The following PTPRN2 variants were observed in gnomAD, a reference collection of about 807,000 sequenced individuals.
PTPRN2 encodes protein tyrosine phosphatase receptor type N2.
A neutral mutation model predicts 118.8 loss-of-function variants in PTPRN2; 74 were observed. The observed-to-expected ratio is 0.62, with a 90% confidence interval of 0.52 to 0.76. The LOEUF is 0.76. PTPRN2 is among the 30% of genes least tolerant of loss of function. The probability of loss-of-function intolerance (pLI) is 0.00; values close to 1 mark genes in which losing one functional copy is unlikely to be tolerated. For synonymous variants in PTPRN2, 641 were observed against 608.0 expected (o/e 1.05, Z -0.80); for missense variants, 1,481 against 1,394.4 (o/e 1.06, Z -0.99).
chr7:158,371,559 T>C (rs1248897912), intron 2 of PTPRN2, among the ~76,000 whole-genome samples: 1 of 152,138 alleles, frequency 6.6e-6, no homozygotes, highest in Non-Finnish European at 1.5e-5. Flanking sequence ...AACATCCACA[T>C]TGATGACCTT....
chr7:158,095,204 C>T lies in PTPRN2; in HGVS notation c.1644-13827G>A, dbSNP rs117793160. Among the ~76,000 whole-genome samples, 21 of 151,332 alleles carry T rather than the reference C, an allele frequency of 1.4e-4. No homozygotes were observed. The East Asian group carries it at 3.9e-3, about 28-fold the overall frequency. Reference sequence around the variant, plus strand: ...ACGTCTCTGACTGGAGAGACACATTCGGAAGAGTGAAGTGATTTTTATTTG... The same window carrying T: ...ACGTCTCTGACTGGAGAGACACATTTGGAAGAGTGAAGTGATTTTTATTTG... On this transcript the variant is annotated intron_variant, in intron 10 of 22. Transcript: ENST00000389418.
chr7:158,075,498 G>A (rs540652481), intron 11 of PTPRN2, among the ~76,000 whole-genome samples: 7 of 152,100 alleles, frequency 4.6e-5, no homozygotes, highest in Admixed American at 6.5e-5. Context: ...CCCCCTCCCC[G>A]CCCCCAACGC....
At chr7:158,080,399 T>C (rs1161187883) in intron 11 of PTPRN2, among the ~76,000 whole-genome samples, 1 of 149,874 alleles carries the variant, frequency 6.7e-6, no homozygotes, top group Non-Finnish European at 1.5e-5. Flanking sequence ...CATTTCCCGC[T>C]GTGGCTGGGT....
intron 12 of PTPRN2, among the ~76,000 whole-genome samples, chr7:157,832,888 C>A (rs1293555401): frequency 6.6e-6 from 1 of 152,236 alleles, no homozygotes; most frequent in African/African-American, 2.4e-5. Context: ...CCAATTTACT[C>A]AATGGAGAAA....
At chr7:158,102,543 C>A (rs978413110) in intron 10 of PTPRN2, among the ~76,000 whole-genome samples, 3 of 152,210 alleles carry the variant, frequency 2.0e-5, no homozygotes. Flanking sequence ...CACACCTCCA[C>A]ACGTTCATCA....
chr7:157,778,308 C>G (rs763130047), intron 12 of PTPRN2, among the ~76,000 whole-genome samples: 42 of 152,290 alleles, frequency 2.8e-4, no homozygotes, highest in Non-Finnish European at 3.8e-4. Flanking sequence ...TAAACATGTA[C>G]ATGTGAATAC....
intron 12 of PTPRN2, among the ~76,000 whole-genome samples, chr7:157,793,124 C>A (rs943024741): frequency 1.3e-5 from 2 of 151,872 alleles, no homozygotes; most frequent in African/African-American, 2.4e-5. Flanking sequence ...TCTGCAGCTG[C>A]GGTTGTGGTC....
At chr7:158,248,722 C>T (rs1432188128) in intron 3 of PTPRN2, among the ~76,000 whole-genome samples, 1 of 149,708 alleles carries the variant, frequency 6.7e-6, no homozygotes, top group African/African-American at 2.5e-5. Flanking sequence ...CATGCACCCA[C>T]ATCACATGCA....
intron 12 of PTPRN2, among the ~76,000 whole-genome samples, chr7:157,778,253 G>A (rs539008410): frequency 3.3e-5 from 5 of 152,336 alleles, no homozygotes; most frequent in South Asian, 2.1e-4. Flanking sequence ...GAATGCAGGC[G>A]TCGAATGCCC....
chr7:158,475,411 G>A (rs1820180139), intron 2 of PTPRN2, among the ~76,000 whole-genome samples: 1 of 152,148 alleles, frequency 6.6e-6, no homozygotes, highest in African/African-American at 2.4e-5. Flanking sequence ...CTCTCCCAGC[G>A]AGACCATGAA....
intron 6 of PTPRN2, among the ~76,000 whole-genome samples, chr7:158,157,688 G>A (rs1482941382): frequency 6.6e-6 from 1 of 152,178 alleles, no homozygotes; most frequent in East Asian, 1.9e-4. Context: ...TGAGCAGGTG[G>A]GTGTGTCCTC....
chr7:157,563,838 G>A lies in PTPRN2; in HGVS notation c.2902+5064C>T, dbSNP rs545600173. On this transcript the variant is annotated intron_variant, in intron 21 of 22. Coordinates refer to ENST00000389418, the MANE Select transcript of PTPRN2 (RefSeq NM_002847.5). ...TGCTCCCACGTCACCACATGCCACA[G>A]ATCAAGACCACGTGCTCCTGCATCA... is the stretch of plus-strand genomic sequence containing the variant. Among the ~76,000 whole-genome samples the A allele has an allele frequency of 4.8e-4, 73 of 150,966 alleles. 1 individual carries two copies. Among genetic ancestry groups the A allele is most frequent in the African/African-American group, 1.7e-3 (71 of 40,956 alleles).
At chr7:158,265,086 T>TAC (rs1797782969) in intron 3 of PTPRN2, among the ~76,000 whole-genome samples, 1 of 152,022 alleles carries the variant, frequency 6.6e-6, no homozygotes, top group African/African-American at 2.4e-5. Flanking sequence ...CCAGGTAGGC[T>TAC]ACCTCCCAGC....
chr7:158,127,790 T>G (rs1817821127), intron 9 of PTPRN2, among the ~76,000 whole-genome samples: 1 of 152,150 alleles, frequency 6.6e-6, no homozygotes, highest in African/African-American at 2.4e-5. Context: ...AGGGGCTCCC[T>G]CCTCCCTATA....
At chr7:158,577,851 C>T (rs1322003498) in intron 1 of PTPRN2, among the ~76,000 whole-genome samples, 1 of 152,234 alleles carries the variant, frequency 6.6e-6, no homozygotes, top group African/African-American at 2.4e-5. Flanking sequence ...GGAAAGGGCC[C>T]TGTGCAAACT....
intron 2 of PTPRN2, among the ~76,000 whole-genome samples, chr7:158,441,201 ATGGTGG>A (rs796656879): frequency 1.5e-5 from 2 of 131,088 alleles, no homozygotes; most frequent in Non-Finnish European, 3.3e-5. Context: ...AGTGATGGTG[ATGGTGG>A]TGGTGGTGAT....
intron 13 of PTPRN2, among the ~76,000 whole-genome samples, chr7:157,667,746 T>A (rs893311282): frequency 2.0e-5 from 3 of 152,136 alleles, no homozygotes; most frequent in African/African-American, 7.2e-5. Context: ...CCTAACACCC[T>A]CCCCACGGGG....
intron 3 of PTPRN2, among the ~76,000 whole-genome samples, chr7:158,246,059 A>C (rs1251059033): frequency 6.6e-6 from 1 of 152,086 alleles, no homozygotes. Flanking sequence ...GTTACCCTCC[A>C]GGGATGACCC....
At chr7:158,212,434 T>C (rs1432305322) in intron 3 of PTPRN2, among the ~76,000 whole-genome samples, 1 of 152,138 alleles carries the variant, frequency 6.6e-6, no homozygotes, top group Admixed American at 6.6e-5. Flanking sequence ...GTGATGAACA[T>C]CCCATTTACC....
Sources: gnomAD v4.1 joint callset for allele counts (sites outside exome capture counted in the v4.1 genomes callset) on GRCh38, gnomAD v4.1.1 for gene constraint, MANE v1.5 for transcripts, NCBI Gene and HGNC (gene_info 2026-07-23, HGNC 2026-07-21) for gene names.